Variants in PARD3B observed in about 807,000 individuals in gnomAD.
PARD3B encodes the protein partitioning defective 3 homolog B.
A neutral mutation model predicts 130.2 loss-of-function variants in PARD3B; 103 were observed. The observed-to-expected ratio is 0.79, with a 90% CI of 0.67 to 0.93. The LOEUF is 0.93. Ranked by LOEUF, PARD3B falls within the 40% of genes least tolerant of loss-of-function variation. The pLI is 0.00. For synonymous variants in PARD3B, 583 were observed against 553.2 expected (o/e 1.05, Z -0.76); for missense variants, 1,609 against 1,499.2 (o/e 1.07, Z -1.21).
Position 205,300,709 on chromosome 2 carries a change from T to C in PARD3B, c.2365T>C (p.Tyr789His), listed in dbSNP as rs2041964853. ...ESFRAAIDKS[Y>H]DGPEEIEADG... is the part of the protein sequence containing the mutation. ...CTTTAGAGCAGCCATTGACAAATCC[T>C]ACGATGGACCTGAAGAAATAGAAGC... is the stretch of plus-strand genomic sequence containing the variant. Residue 789 changes from tyrosine (Y) to histidine (H), a missense_variant, in exon 17 of 23, where the codon TAC becomes CAC. Tyr to His is a moderately conservative substitution (Grantham distance 83). Coordinates refer to ENST00000406610, the MANE Select transcript of PARD3B (RefSeq NM_001302769.2). The surrounding 1 kb of genome is among the most constrained non-coding windows in gnomAD (Gnocchi z 4.1). 1 of 1,612,876 alleles carries C rather than the reference T, an allele frequency of 6.2e-7. No homozygotes were observed. The highest frequency in any genetic ancestry group is 1.3e-5 in the African/African-American group (1 of 74,934).
intron 22 of PARD3B, among the ~76,000 whole-genome samples, chr2:205,593,481 C>T (rs1475662793): frequency 6.6e-6 from 1 of 152,154 alleles, no homozygotes; most frequent in Non-Finnish European, 1.5e-5. Context: ...GTTCACTAAA[C>T]CACACTTAAA....
chr2:205,065,170 A>G (rs1700291321), intron 4 of PARD3B, among the ~76,000 whole-genome samples: 2 of 152,226 alleles, frequency 1.3e-5, no homozygotes, highest in South Asian at 4.1e-4. Flanking sequence ...ATTGGTGCTT[A>G]GAGGGAAGAA....
intron 2 of PARD3B, among the ~76,000 whole-genome samples, chr2:204,794,390 C>T (rs1269934468): frequency 6.6e-6 from 1 of 152,120 alleles, no homozygotes; most frequent in Non-Finnish European, 1.5e-5. Context: ...GCGTATGGTG[C>T]TCCATTGTTT....
At chr2:205,252,782 G>A (rs1028112544) in intron 16 of PARD3B, among the ~76,000 whole-genome samples, 1 of 143,340 alleles carries the variant, frequency 7.0e-6, no homozygotes, top group Non-Finnish European at 1.5e-5. Flanking sequence ...GATTAAATAA[G>A]AGGTCACTTT....
Position 204,862,529 on chromosome 2 carries a change from C to T in PARD3B, c.223-102623C>T, listed in dbSNP as rs556271285. 2.6e-4 allele frequency among the ~76,000 whole-genome samples: 40 copies of T among 152,282 alleles called. 1 individual carries two copies. The highest frequency in any genetic ancestry group is 9.6e-4 in the African/African-American group (40 of 41,564). On this transcript the variant is annotated intron_variant, in intron 2 of 22. Coordinates refer to ENST00000406610, the MANE Select transcript of PARD3B (RefSeq NM_001302769.2). ...CTCCTTTGCCTTTTAGTACTAGGTT[C>T]CTCCTCTGTAAAACGTGAGGGTTGA...
At chr2:204,791,614 A>G (rs2042208661) in intron 2 of PARD3B, among the ~76,000 whole-genome samples, 1 of 152,246 alleles carries the variant, frequency 6.6e-6, no homozygotes, top group African/African-American at 2.4e-5. Context: ...TCAGTGGCTT[A>G]CCTGAACTTA....
intron 2 of PARD3B, among the ~76,000 whole-genome samples, chr2:204,918,516 G>A (rs960360899): frequency 1.9e-4 from 28 of 150,666 alleles, no homozygotes; most frequent in African/African-American, 6.8e-4. Flanking sequence ...TGTAGTCCCA[G>A]CTACTTGGGA....
At position 205,176,719 on chromosome 2, in the gene PARD3B, G is replaced by A; in HGVS notation, c.1924+142G>A. ...TGTTACTCGGAGTCACAAACACTGA[G>A]AGAGTTGGGGGAGAGCTGACTCAGA... On this transcript the variant is annotated intron_variant, in intron 13 of 22. Coordinates refer to ENST00000406610, the MANE Select transcript of PARD3B (RefSeq NM_001302769.2). The surrounding 1 kb of genome is among the most constrained non-coding windows in gnomAD (Gnocchi z 5.3). 4 of 937,292 alleles carry A rather than the reference G, an allele frequency of 4.3e-6. No homozygotes were observed. In the South Asian group the frequency reaches 8.4e-5, roughly 20 times the overall value. The allele number at this position is 937,292 out of a possible 1,614,324, so 58.1% of individuals were successfully genotyped here.
At chr2:205,548,406 G>A (rs1182329193) in intron 21 of PARD3B, among the ~76,000 whole-genome samples, 1 of 152,020 alleles carries the variant, frequency 6.6e-6, no homozygotes, top group Non-Finnish European at 1.5e-5. Context: ...TCCAAAATCT[G>A]TCCTTCATTT....
At chr2:205,499,388 C>G (rs1181424227) in intron 20 of PARD3B, among the ~76,000 whole-genome samples, 1 of 151,910 alleles carries the variant, frequency 6.6e-6, no homozygotes, top group East Asian at 1.9e-4. Context: ...CGTGTCCTAA[C>G]TGTACCCATA....
At chr2:205,368,735 C>T (rs951621626) in intron 18 of PARD3B, among the ~76,000 whole-genome samples, 1 of 152,072 alleles carries the variant, frequency 6.6e-6, no homozygotes, top group Non-Finnish European at 1.5e-5. Context: ...TTTTAATTAC[C>T]TCTCTAATAT....
At position 205,325,039 on chromosome 2, in the gene PARD3B, C is replaced by G. The variant is rs897880137; in HGVS notation, c.2630+23338C>G. 1.3e-5 allele frequency among the ~76,000 whole-genome samples: 2 copies of G among 152,180 alleles called. No individual in the cohort carries two copies. The highest frequency in any genetic ancestry group is 6.5e-5 in the Admixed American group (1 of 15,268). ...CTCTCTAAGAATCTAAATTCTCTCT[C>G]CATCTTCACTGCACTTCCTTAGTTC... On this transcript the variant is annotated intron_variant, in intron 18 of 22. Transcript: ENST00000406610. The surrounding 1 kb of genome is among the most constrained non-coding windows in gnomAD (Gnocchi z 4.1).
intron 18 of PARD3B, among the ~76,000 whole-genome samples, chr2:205,308,994 G>T (rs1390871710): frequency 1.3e-5 from 2 of 152,224 alleles, no homozygotes; most frequent in Non-Finnish European, 2.9e-5. Flanking sequence ...AAGCTACACT[G>T]AATTTTCAGC....
At chr2:204,960,114 A>C (rs973912509) in intron 2 of PARD3B, among the ~76,000 whole-genome samples, 1 of 152,166 alleles carries the variant, frequency 6.6e-6, no homozygotes, top group African/African-American at 2.4e-5. Context: ...ATCACTGTTG[A>C]GCTTATGACG....
At chr2:204,834,250 A>G (rs74805966) in intron 2 of PARD3B, among the ~76,000 whole-genome samples, 2 of 152,176 alleles carry the variant, frequency 1.3e-5, no homozygotes, top group Non-Finnish European at 2.9e-5. Flanking sequence ...TGTTCTCTTC[A>G]TGAACAAATG....
intron 1 of PARD3B, among the ~76,000 whole-genome samples, chr2:204,564,379 G>A (rs1007590030): frequency 6.6e-5 from 10 of 152,160 alleles, no homozygotes; most frequent in African/African-American, 2.4e-4. Context: ...GAGGATGAGG[G>A]AGAGTGTATC....
At chr2:204,683,570 A>C (rs1026869281) in intron 1 of PARD3B, among the ~76,000 whole-genome samples, 2 of 152,138 alleles carry the variant, frequency 1.3e-5, no homozygotes, top group African/African-American at 4.8e-5. Flanking sequence ...CATGGCCAAA[A>C]TACCATGGGG....
At chr2:204,997,744 G>A (rs917077103) in intron 3 of PARD3B, among the ~76,000 whole-genome samples, 8 of 151,578 alleles carry the variant, frequency 5.3e-5, no homozygotes, top group African/African-American at 1.7e-4. Context: ...TAGAGCTCCA[G>A]TGTTGGATAG....
Position 204,643,115 on chromosome 2 carries a change from C to CAAAAAAAA in PARD3B, c.121-43052_121-43045dup, listed in dbSNP as rs71029202. ...GGCGACAGAGGGAGACTCTGTCTCACAAAAAAAAAAAAAAAAAAAAATGTT... is the reference window on the plus strand; with the variant it reads ...GGCGACAGAGGGAGACTCTGTCTCACAAAAAAAAAAAAAAAAAAAAAAAAAAAAATGTT... On this transcript the variant is annotated intron_variant, in intron 1 of 22. Transcript: ENST00000406610. 8.2e-4 allele frequency among the ~76,000 whole-genome samples: 26 copies of CAAAAAAAA among 31,808 alleles called. 3 individuals carry two copies. In the East Asian group the frequency reaches 0.013, roughly 16 times the overall value. 20.9% of individuals were successfully genotyped at this position (31,808 alleles called of 152,430 possible).
Sources: allele counts gnomAD v4.1 joint callset (sites outside exome capture counted in the v4.1 genomes callset), GRCh38; gene constraint gnomAD v4.1.1; non-coding constraint Gnocchi (gnomAD v3.1); transcripts MANE v1.5; gene names NCBI Gene and HGNC (gene_info 2026-07-23, HGNC 2026-07-21).